Variants in BIVM observed in about 807,000 individuals in gnomAD.
The protein encoded by BIVM is basic immunoglobulin-like variable motif-containing protein.
Under a neutral mutation model 61.4 loss-of-function variants are expected in BIVM, and 31 were observed. The observed-to-expected ratio is 0.51, with a 90% CI of 0.38 to 0.68. The LOEUF (loss-of-function observed/expected upper bound fraction) is 0.68, where lower values mean the gene tolerates loss of function less well. Among genes scored for constraint, BIVM ranks in the 30% least tolerant of loss-of-function variants. The pLI is 0.00. For missense variants in BIVM, 526 were observed against 596.0 expected, an observed-to-expected ratio of 0.88 and a Z score of 1.22; for synonymous variants, 189 against 210.7, an observed-to-expected ratio of 0.90 and a Z score of 0.89.
intron 6 of BIVM, 45 bp from the exon 7 acceptor site, chr13:102,822,020 T>C: frequency 1.2e-6 from 2 of 1,602,064 alleles, no homozygotes; most frequent in Non-Finnish European, 1.7e-6. Context: ...ATGCCATCTT[T>C]GTTGTAGAAT....
chr13:102,839,609 GA>G lies in BIVM; in HGVS notation c.1257del (p.Arg419SerfsTer91). Reference sequence around the variant, plus strand: ...TTGCATTGCATCATAGCATTCCAGAGACTTAACTGGCAAAGATTTGGCCTTT... The same window carrying G: ...TTGCATTGCATCATAGCATTCCAGAGCTTAACTGGCAAAGATTTGGCCTTT... ...GNLHCIIAFQ[R>X]LNWQRFGLWN... On this transcript the variant is annotated frameshift_variant, in exon 11 of 11. Transcript: ENST00000257336. LOFTEE classifies it high-confidence loss of function. The G allele has an allele frequency of 6.2e-7, 1 of 1,614,158 alleles. No individual in the cohort carries two copies. Among genetic ancestry groups the G allele is most frequent in the Non-Finnish European group, 8.5e-7 (1 of 1,180,030 alleles).
At chr13:102,838,610 A>G in intron 9 of BIVM, 33 bp from the exon 10 acceptor site, 1 of 1,569,712 alleles carries the variant, frequency 6.4e-7, no homozygotes. Context: ...GACCTAAAGA[A>G]AATTGTGCTT....
intron 10 of BIVM, 66 bp from the exon 11 acceptor site, chr13:102,839,506 G>A: frequency 6.4e-7 from 1 of 1,568,546 alleles, no homozygotes; most frequent in Non-Finnish European, 8.6e-7. Context: ...GGAGTTCATA[G>A]GGACCTACAA....
intron 3 of BIVM, among the ~76,000 whole-genome samples, chr13:102,811,116 A>G (rs1879463856): frequency 6.6e-6 from 1 of 152,214 alleles, no homozygotes; most frequent in African/African-American, 2.4e-5. Flanking sequence ...GGAGTTGCAA[A>G]CTAACAAAAT....
At position 102,834,528 on chromosome 13, in the gene BIVM, A is replaced by G. The variant is rs752085479; in HGVS notation, c.1097A>G (p.Lys366Arg). ...YWILIGESSR[K>R]HPAIHCKKWA... ...ATCTTAATTGGAGAATCAAGTAGAAAACATCCTGCCATTCACTGTAAAAAG... is the reference window on the plus strand; with the variant it reads ...ATCTTAATTGGAGAATCAAGTAGAAGACATCCTGCCATTCACTGTAAAAAG... The change falls in exon 9 of 11, where the codon AAA becomes AGA. Residue 366 changes from lysine to arginine, a missense_variant. Physicochemically the swap from Lys to Arg is conservative, Grantham distance 26. This residue lies in a region of BIVM where 210 missense variants were observed against 233.1 expected (regional missense o/e 0.90). Transcript: ENST00000257336. The G allele has an allele frequency of 2.8e-5, 44 of 1,591,790 alleles. No homozygotes were observed. The highest frequency in any genetic ancestry group is 3.6e-5 in the Non-Finnish European group (42 of 1,173,342).
chr13:102,805,453 T>A (rs906967934), intron 2 of BIVM, 63 bp downstream of exon 2: 2 of 152,250 alleles, frequency 1.3e-5, no homozygotes, highest in Admixed American at 1.3e-4. Flanking sequence ...GTGGCCGTTA[T>A]TCATCATGTA....
At chr13:102,806,841 C>T (rs1240976537) in intron 2 of BIVM, among the ~76,000 whole-genome samples, 16 of 150,700 alleles carry the variant, frequency 1.1e-4, no homozygotes, top group African/African-American at 3.9e-4. Context: ...ACCCGGGAGG[C>T]GGAGGTTGCG....
At chr13:102,811,448 T>A (rs1183696027) in intron 3 of BIVM, among the ~76,000 whole-genome samples, 3 of 152,250 alleles carry the variant, frequency 2.0e-5, no homozygotes, top group African/African-American at 7.2e-5. Context: ...TCTGTTGATA[T>A]TCTTATTAAC....
intron 1 of BIVM, among the ~76,000 whole-genome samples, chr13:102,803,277 C>G (rs1878861506): frequency 6.6e-6 from 1 of 152,012 alleles, no homozygotes; most frequent in African/African-American, 2.4e-5. Context: ...CCGAGGCCAG[C>G]AGATCACCTG....
Position 102,805,335 on chromosome 13 carries a change from T to C in BIVM, c.-178T>C, listed in dbSNP as rs1197791190. On this transcript the variant is annotated 5_prime_UTR_variant, in exon 2 of 11. Transcript: ENST00000257336. Reference sequence around the variant, plus strand: ...TCAGTTTAGACTTGAAATTCAGTTTTTCCTGAAACTGATCAGAAGTTAGTG... The same window carrying C: ...TCAGTTTAGACTTGAAATTCAGTTTCTCCTGAAACTGATCAGAAGTTAGTG... 1 of 152,226 alleles carries C rather than the reference T, an allele frequency of 6.6e-6. No homozygotes were observed. The highest frequency in any genetic ancestry group is 1.5e-5 in the Non-Finnish European group (1 of 68,034). The allele number at this position is 152,226 out of a possible 1,614,324, so 9.4% of individuals were successfully genotyped here. A position where few individuals can be genotyped will look rare whatever the true frequency, so the allele number is the denominator to read the frequency against.
Position 102,839,836 on chromosome 13 carries a change from G to A in BIVM, c.1483G>A (p.Gly495Ser). Residue 495 changes from glycine to serine, a missense_variant, in exon 11 of 11, where the codon GGT (glycine) becomes AGT (serine). By Grantham distance (56) the Gly-to-Ser change is moderately conservative. Transcript: ENST00000257336. ...TGAGAGAAGGAACAGTGGTTACCAG[G>A]GTTACAGTGATTACGATGGGAATGA... is the stretch of plus-strand genomic sequence containing the variant. ...IHERRNSGYQ[G>S]YSDYDGND 16 of 1,613,086 alleles carry A rather than the reference G, an allele frequency of 9.9e-6. No homozygotes were observed. Among genetic ancestry groups the A allele is most frequent in the Non-Finnish European group, 1.4e-5 (16 of 1,179,918 alleles).
At chr13:102,830,511 T>G (rs1783517065) in intron 7 of BIVM, among the ~76,000 whole-genome samples, 1 of 152,198 alleles carries the variant, frequency 6.6e-6, no homozygotes, top group Non-Finnish European at 1.5e-5. Context: ...ATGGTAATAC[T>G]TTTGAAATTG....
chr13:102,838,385 C>T (rs977738868), intron 9 of BIVM, among the ~76,000 whole-genome samples: 14 of 152,190 alleles, frequency 9.2e-5, no homozygotes, highest in Non-Finnish European at 1.5e-4. Context: ...AGGATGTCAT[C>T]TAACATGTTG....
In BIVM at chr13:102,821,388, A is replaced by G. The variant is rs1170138766; in HGVS notation, c.701+256A>G. 2.0e-5 allele frequency among the ~76,000 whole-genome samples: 3 copies of G among 152,104 alleles called. No individual in the cohort carries two copies. The East Asian group carries it at 5.8e-4, about 29-fold the overall frequency. ...GCGGGAGTATTGCTTGAAGCCAAGG[A>G]GTTTGAGACCAGCCTGGGCAACAAA... is the stretch of plus-strand genomic sequence containing the variant. On this transcript the variant is annotated intron_variant, in intron 5 of 10. Transcript: ENST00000257336.
At chr13:102,829,663 A>T (rs1880919816) in intron 7 of BIVM, among the ~76,000 whole-genome samples, 1 of 151,798 alleles carries the variant, frequency 6.6e-6, no homozygotes, top group African/African-American at 2.4e-5. Flanking sequence ...ACATAGTGAA[A>T]CCCCGTCTCT....
intron 8 of BIVM, among the ~76,000 whole-genome samples, 177 bp from the exon 9 acceptor site, chr13:102,834,289 G>A (rs1881314701): frequency 1.3e-5 from 2 of 152,090 alleles, no homozygotes. Context: ...ATTTTAATTT[G>A]TGAGTTCTCT....
At position 102,839,612 on chromosome 13, in the gene BIVM, T is replaced by C. The variant is rs1211455842; in HGVS notation, c.1259T>C (p.Leu420Pro). 6.2e-7 allele frequency: 1 copy of C among 1,614,236 alleles called. No homozygotes were observed. The highest frequency in any genetic ancestry group is 2.2e-5 in the East Asian group (1 of 44,892). The stretch of plus-strand genomic sequence containing the variant: ...CATTGCATCATAGCATTCCAGAGAC[T>C]TAACTGGCAAAGATTTGGCCTTTGG... ...NLHCIIAFQRLNWQRFGLWNF... is the reference protein window; with the variant it reads ...NLHCIIAFQRPNWQRFGLWNF... The change falls in exon 11 of 11, where the codon CTT becomes CCT. Residue 420 changes from leucine (L) to proline (P), a missense_variant. By Grantham distance (98) the Leu-to-Pro change is moderately conservative. Around this residue, in one of 3 missense-constraint regions of BIVM, gnomAD observed 210 missense variants for 233.1 expected, o/e 0.90. Transcript: ENST00000257336.
intron 7 of BIVM, among the ~76,000 whole-genome samples, chr13:102,826,319 C>T (rs1390249145): frequency 1.3e-5 from 2 of 152,228 alleles, no homozygotes; most frequent in Non-Finnish European, 1.5e-5. Context: ...GAACCCAGTG[C>T]GTCCTCCTTC....
At chr13:102,837,886 T>C (rs1443710458) in intron 9 of BIVM, among the ~76,000 whole-genome samples, 1 of 152,186 alleles carries the variant, frequency 6.6e-6, no homozygotes. Context: ...TAATGGACTT[T>C]GGGGACTCCT....
Sources: gnomAD v4.1 joint callset for allele counts (sites outside exome capture counted in the v4.1 genomes callset) on GRCh38, gnomAD v4.1.1 for gene constraint, gnomAD v4.1.1 regional missense constraint, MANE v1.5 for transcripts, NCBI Gene and HGNC (gene_info 2026-07-23, HGNC 2026-07-21) for gene names.